Variants in WDR7 observed in about 807,000 individuals in gnomAD.
WDR7 encodes the protein WD repeat domain 7, also known as WD repeat-containing protein 7.
In WDR7, 46 loss-of-function variants were observed where a neutral mutation model predicts 169.4. That is an observed-to-expected ratio of 0.27 (90% CI 0.21 to 0.35). The LOEUF (loss-of-function observed/expected upper bound fraction) is 0.35. Ranked by LOEUF, WDR7 falls within the 10% of genes least tolerant of loss-of-function variation. WDR7 has a pLI of 1.00. For synonymous variants in WDR7, 612 were observed against 666.8 expected, an observed-to-expected ratio of 0.92 and a Z score of 1.27; for missense variants, 1,534 against 1,859.3, an observed-to-expected ratio of 0.83 and a Z score of 3.22.
At chr18:56,914,367 C>G (rs1333535410) in intron 21 of WDR7, among the ~76,000 whole-genome samples, 1 of 152,144 alleles carries the variant, frequency 6.6e-6, no homozygotes, top group Non-Finnish European at 1.5e-5. Context: ...GTTTGTATGT[C>G]CCAACTAGAA....
chr18:56,668,815 G>T (rs1009555176), intron 1 of WDR7, among the ~76,000 whole-genome samples: 1 of 151,876 alleles, frequency 6.6e-6, no homozygotes, highest in Non-Finnish European at 1.5e-5. Flanking sequence ...TAACCTGTTG[G>T]AAAGTCCAAC....
intron 26 of WDR7, among the ~76,000 whole-genome samples, chr18:56,971,009 C>T (rs1006127210): frequency 3.3e-5 from 5 of 152,154 alleles, no homozygotes; most frequent in African/African-American, 9.7e-5. Context: ...CAGTGGCTCG[C>T]ACCAGTAATC....
intron 26 of WDR7, among the ~76,000 whole-genome samples, chr18:56,998,725 T>A (rs2047933514): frequency 6.6e-6 from 1 of 152,188 alleles, no homozygotes; most frequent in South Asian, 2.1e-4. Context: ...TGTACTAAAT[T>A]GTGTACATAG....
chr18:56,960,480 A>G (rs1039460126), intron 25 of WDR7, among the ~76,000 whole-genome samples: 4 of 152,184 alleles, frequency 2.6e-5, no homozygotes, highest in Non-Finnish European at 4.4e-5. Flanking sequence ...TACCACTGCA[A>G]ATTATATTTT....
At chr18:56,743,814 C>G (rs542080386) in intron 14 of WDR7, among the ~76,000 whole-genome samples, 1 of 152,006 alleles carries the variant, frequency 6.6e-6, no homozygotes, top group Non-Finnish European at 1.5e-5. Context: ...GGAACGTTCT[C>G]GATCAGGATA....
chr18:56,767,243 T>C (rs114446421), intron 16 of WDR7, among the ~76,000 whole-genome samples: 431 of 152,230 alleles, frequency 2.8e-3, no homozygotes, highest in African/African-American at 9.7e-3. Context: ...CCAGCTCGAG[T>C]AGTTTCTTTA....
At chr18:56,779,681 C>A in intron 18 of WDR7, 132 bp downstream of exon 18, 1 of 696,334 alleles carries the variant, frequency 1.4e-6, no homozygotes, top group East Asian at 2.9e-5. Context: ...AATGTGGATT[C>A]ATGATTTATG....
chr18:57,026,949 A>G lies in WDR7; in HGVS notation c.4270-55A>G. The G allele has an allele frequency of 1.9e-6, 3 of 1,558,386 alleles. 1 individual carries two copies. The South Asian group carries it at 3.5e-5, about 18-fold the overall frequency. ...AGGAGAGATCGACCCAGTCTCTGTG[A>G]TAGGGAAAGGGAGAGGGCTGTTCAA... On this transcript the variant is annotated intron_variant, in intron 27 of 27. Transcript: ENST00000254442.
intron 26 of WDR7, among the ~76,000 whole-genome samples, chr18:56,975,685 C>T (rs1461816936): frequency 6.6e-6 from 1 of 152,120 alleles, no homozygotes; most frequent in Non-Finnish European, 1.5e-5. Context: ...TGTAAAACAA[C>T]AGGTAAAGCC....
chr18:57,008,233 A>C (rs931723222), intron 26 of WDR7, among the ~76,000 whole-genome samples: 1 of 152,006 alleles, frequency 6.6e-6, no homozygotes, highest in Non-Finnish European at 1.5e-5. Context: ...CCACTTCCTC[A>C]TTCAGCTCCC....
At chr18:56,980,170 G>C (rs12327219) in intron 26 of WDR7, among the ~76,000 whole-genome samples, 3,307 of 152,268 alleles carry the variant, frequency 0.022, 115 homozygotes, top group African/African-American at 0.073. Flanking sequence ...GGTTCAGGTT[G>C]GTTCCTGGGT....
intron 25 of WDR7, among the ~76,000 whole-genome samples, chr18:56,954,458 A>G (rs1201020393): frequency 1.3e-5 from 2 of 152,154 alleles, no homozygotes. Context: ...AGAAGCTAGC[A>G]ATATTGCAGA....
At chr18:56,735,568 A>AT (rs1469485888) in intron 14 of WDR7, among the ~76,000 whole-genome samples, 1 of 152,032 alleles carries the variant, frequency 6.6e-6, no homozygotes, top group Non-Finnish European at 1.5e-5. Flanking sequence ...CTGTCATTTG[A>AT]TTTTTTTCAG....
At chr18:56,795,630 A>G (rs1304458958) in intron 19 of WDR7, among the ~76,000 whole-genome samples, 3 of 152,172 alleles carry the variant, frequency 2.0e-5, no homozygotes, top group Admixed American at 6.5e-5. Context: ...ACTGCCATAC[A>G]TGATATGATT....
At chr18:56,782,835 C>A (rs1393977114) in intron 19 of WDR7, among the ~76,000 whole-genome samples, 1 of 152,020 alleles carries the variant, frequency 6.6e-6, no homozygotes, top group Admixed American at 6.6e-5. Flanking sequence ...ACCTTGGGCA[C>A]TTTTCTTAAG....
Position 56,929,688 on chromosome 18 carries a change from G to C in WDR7, c.3713+5580G>C, listed in dbSNP as rs551090394. 4.7e-4 allele frequency among the ~76,000 whole-genome samples: 71 copies of C among 152,196 alleles called. No individual in the cohort carries two copies. The South Asian group carries it at 0.014, about 30-fold the overall frequency. On this transcript the variant is annotated intron_variant, in intron 22 of 27. Coordinates refer to ENST00000254442, the MANE Select transcript of WDR7 (RefSeq NM_015285.3). ...GATTCACTGGTAAAATCTTATGTGA[G>C]GAAATTTTTAAATAATGGGGATGGA...
chr18:56,963,634 G>C (rs557602392), intron 26 of WDR7, among the ~76,000 whole-genome samples: 1 of 152,148 alleles, frequency 6.6e-6, no homozygotes, highest in Admixed American at 6.6e-5. Flanking sequence ...TTTTCTGGGC[G>C]TGCATCAAAT....
Position 57,006,326 on chromosome 18 carries a change from T to TC in WDR7, c.4165-14419_4165-14418insC, listed in dbSNP as rs563144325. ...TAAAACATCAAAGCAGTTTTTTTTT[T>TC]TTCTTCAAGATTGTAGTTATTTAGA... On this transcript the variant is annotated intron_variant, in intron 26 of 27. Coordinates refer to ENST00000254442, the MANE Select transcript of WDR7 (RefSeq NM_015285.3). Among the ~76,000 whole-genome samples the TC allele has an allele frequency of 7.9e-5, 12 of 152,202 alleles. No individual in the cohort carries two copies. In the East Asian group the frequency reaches 2.3e-3, roughly 29 times the overall value.
intron 20 of WDR7, among the ~76,000 whole-genome samples, chr18:56,841,404 C>T (rs532783151): frequency 2.0e-5 from 3 of 151,682 alleles, no homozygotes; most frequent in Non-Finnish European, 2.9e-5. Flanking sequence ...ATTAGCTGGG[C>T]GTGGTAGTGT....
Sources: gnomAD v4.1 joint callset for allele counts (sites outside exome capture counted in the v4.1 genomes callset) on GRCh38, gnomAD v4.1.1 for gene constraint, MANE v1.5 for transcripts, NCBI Gene and HGNC (gene_info 2026-07-23, HGNC 2026-07-21) for gene names.